Variants in LAMB1 observed in about 807,000 individuals in gnomAD.
LAMB1 encodes the protein laminin subunit beta 1.
In LAMB1, 121 loss-of-function variants were observed where a neutral mutation model predicts 222.3. The observed-to-expected ratio is 0.54, with a 90% CI of 0.47 to 0.63. LAMB1 has a LOEUF of 0.63. Ranked by LOEUF, LAMB1 falls within the 30% of genes least tolerant of loss-of-function variation. The pLI is 0.00. For synonymous variants in LAMB1, 794 were observed against 807.2 expected (o/e 0.98, Z 0.28); for missense variants, 2,172 against 2,240.8 (o/e 0.97, Z 0.62).
intron 24 of LAMB1, among the ~76,000 whole-genome samples, chr7:107,950,792 C>T (rs1305479488): frequency 6.6e-6 from 1 of 152,210 alleles, no homozygotes; most frequent in African/African-American, 2.4e-5. Context: ...TTTACCTCTT[C>T]TTGTGCCATC....
At chr7:107,965,158 G>A (rs1312824187) in intron 13 of LAMB1, among the ~76,000 whole-genome samples, 1 of 152,190 alleles carries the variant, frequency 6.6e-6, no homozygotes, top group African/African-American at 2.4e-5. Context: ...AGTCAACCAA[G>A]TCAGAAATTT....
rs777886628 is a variant in LAMB1 at position 107,929,526 on chromosome 7, G to A, written c.4631C>T (p.Thr1544Ile). 3.1e-6 allele frequency: 5 copies of A among 1,613,954 alleles called. No individual in the cohort carries two copies. Among genetic ancestry groups the A allele is most frequent in the Middle Eastern group, 1.6e-4 (1 of 6,062 alleles). Residue 1544 changes from threonine (T) to isoleucine (I), a missense_variant, in exon 30 of 34, where the codon ACA becomes ATA. Physicochemically the swap from Thr to Ile is moderately conservative, Grantham distance 89 (BLOSUM62 -1). Coordinates refer to ENST00000222399, the MANE Select transcript of LAMB1 (RefSeq NM_002291.3). ...TTCAACTCGTTCACGTATATCTTCTGTCAAGTTCTGTAACTGCTGTGGGGT... is the reference window on the plus strand; with the variant it reads ...TTCAACTCGTTCACGTATATCTTCTATCAAGTTCTGTAACTGCTGTGGGGT... ...PSTPQQLQNLTEDIRERVESL... is the reference protein window; with the variant it reads ...PSTPQQLQNLIEDIRERVESL...
At position 107,961,210 on chromosome 7, in the gene LAMB1, T is replaced by C; in HGVS notation, c.2105A>G (p.Asp702Gly). Residue 702 changes from aspartate to glycine, a missense_variant, in exon 17 of 34, where the codon GAT becomes GGT. Asp to Gly is a moderately conservative substitution (Grantham distance 94). Transcript: ENST00000222399. ...CAGAAGCAATCTCGCACTTACAGAA[T>C]CGATCAGCGTGTAGGGGCTCTCCAC... ...SDVESPYTLI[D>G]SLVLMPYCKS... 1 of 1,614,008 alleles carries C rather than the reference T, an allele frequency of 6.2e-7. No individual in the cohort carries two copies. The highest frequency in any genetic ancestry group is 8.5e-7 in the Non-Finnish European group (1 of 1,180,004).
intron 5 of LAMB1, among the ~76,000 whole-genome samples, chr7:107,993,492 C>T (rs762172371): frequency 2.6e-5 from 4 of 152,142 alleles, no homozygotes; most frequent in Admixed American, 1.3e-4. Flanking sequence ...TTACCTTCTG[C>T]GCCTACACAA....
intron 32 of LAMB1, among the ~76,000 whole-genome samples, chr7:107,925,101 G>T (rs936385157): frequency 4.6e-5 from 7 of 152,136 alleles, no homozygotes. Flanking sequence ...TGATATTGTG[G>T]CAGTGAACTT....
chr7:107,941,713 G>A (rs2032985651), intron 24 of LAMB1, among the ~76,000 whole-genome samples: 1 of 150,572 alleles, frequency 6.6e-6, no homozygotes, highest in Non-Finnish European at 1.5e-5. Context: ...GGAGTACAAT[G>A]GCGCGATCTC....
chr7:107,936,630 A>T, intron 26 of LAMB1, among the ~76,000 whole-genome samples: 1 of 152,240 alleles, frequency 6.6e-6, no homozygotes, highest in Non-Finnish European at 1.5e-5. Context: ...AGTATGATGT[A>T]ACATATTTCT....
chr7:107,985,974 C>T (rs914469348), intron 7 of LAMB1, 48 bp downstream of exon 7: 5 of 1,432,764 alleles, frequency 3.5e-6, no homozygotes, highest in Non-Finnish European at 3.9e-6. Context: ...CAAAACAAAA[C>T]AAACAAACAA....
chr7:107,997,511 G>T (rs748658539), intron 4 of LAMB1, among the ~76,000 whole-genome samples: 3 of 152,086 alleles, frequency 2.0e-5, no homozygotes, highest in African/African-American at 7.2e-5. Context: ...TGGCTGCAGC[G>T]GCATCCAAAG....
At chr7:107,929,240 T>A in intron 30 of LAMB1, 35 bp from the exon 31 acceptor site, 1 of 1,610,766 alleles carries the variant, frequency 6.2e-7, no homozygotes. Flanking sequence ...ATATTGTTGC[T>A]GAACATGAAA....
intron 15 of LAMB1, 36 bp from the exon 16 acceptor site, chr7:107,961,712 C>A (rs2033508741): frequency 6.3e-7 from 1 of 1,594,194 alleles, no homozygotes; most frequent in East Asian, 2.3e-5. Context: ...AGATAGTTAG[C>A]CCACCACTGC....
chr7:107,994,483 A>G (rs1186945457), intron 5 of LAMB1, among the ~76,000 whole-genome samples: 1 of 152,178 alleles, frequency 6.6e-6, no homozygotes, highest in Non-Finnish European at 1.5e-5. Context: ...AAATTGTGCA[A>G]AACTCTGAAA....
chr7:107,943,671 C>G (rs2033046670), intron 24 of LAMB1, among the ~76,000 whole-genome samples: 1 of 152,080 alleles, frequency 6.6e-6, no homozygotes, highest in Admixed American at 6.6e-5. Flanking sequence ...CTGGGTGGGG[C>G]CCAGAACTAT....
rs892507594 is a variant in LAMB1 at position 107,940,244 on chromosome 7, T to C, written c.3506A>G (p.Tyr1169Cys). 4.3e-6 allele frequency: 7 copies of C among 1,614,020 alleles called. No homozygotes were observed. The highest frequency in any genetic ancestry group is 5.9e-6 in the Non-Finnish European group (7 of 1,180,030). The part of the protein sequence containing the change: ...GPRCDKCTRG[Y>C]SGVFPDCTPC... ...TGTGCAGTCAGGGAAGACCCCCGAGTACCCTCGCGTGCACTTGTCACAGCG... is the reference window on the plus strand; with the variant it reads ...TGTGCAGTCAGGGAAGACCCCCGAGCACCCTCGCGTGCACTTGTCACAGCG... The change falls in exon 25 of 34, where the codon TAC becomes TGC. Residue 1169 changes from tyrosine (Y) to cysteine (C), a missense_variant. Physicochemically the swap from Tyr to Cys is radical, Grantham distance 194. Transcript: ENST00000222399.
chr7:107,948,976 T>C (rs574357879), intron 24 of LAMB1, among the ~76,000 whole-genome samples: 18 of 152,364 alleles, frequency 1.2e-4, no homozygotes, highest in African/African-American at 4.1e-4. Context: ...TACATTCTCC[T>C]TAAACCAGGT....
At chr7:107,964,751 A>G in intron 13 of LAMB1, 64 bp from the exon 14 acceptor site, 1 of 1,580,402 alleles carries the variant, frequency 6.3e-7, no homozygotes, top group South Asian at 1.1e-5. Flanking sequence ...CGCCAGAAGC[A>G]GCTCTACAGC....
chr7:107,929,772 G>T, intron 29 of LAMB1, 153 bp from the exon 30 acceptor site: 1 of 555,984 alleles, frequency 1.8e-6, no homozygotes, highest in Non-Finnish European at 3.1e-6. Flanking sequence ...ATCTATCTGG[G>T]ATTTTGAGGG....
chr7:108,001,072 T>C lies in LAMB1; in HGVS notation c.213+486A>G, dbSNP rs557067378. 5.3e-5 allele frequency among the ~76,000 whole-genome samples: 8 copies of C among 152,210 alleles called. No individual in the cohort carries two copies. In the South Asian group the frequency reaches 8.3e-4, roughly 16 times the overall value. ...TAAAAGCAAGCATCTGATCCTGATATCTAGTTGGGAACAGCACCAAATGAG... is the reference window on the plus strand; with the variant it reads ...TAAAAGCAAGCATCTGATCCTGATACCTAGTTGGGAACAGCACCAAATGAG... On this transcript the variant is annotated intron_variant, in intron 3 of 33. Coordinates refer to ENST00000222399, the MANE Select transcript of LAMB1 (RefSeq NM_002291.3).
chr7:107,936,361 C>G, intron 26 of LAMB1: 1 of 151,876 alleles, frequency 6.6e-6, no homozygotes, highest in South Asian at 2.1e-4. Context: ...AGCAGCATAG[C>G]AAGAGCCCAT....
Sources: allele counts gnomAD v4.1 joint callset (sites outside exome capture counted in the v4.1 genomes callset), GRCh38; gene constraint gnomAD v4.1.1; transcripts MANE v1.5; gene names NCBI Gene and HGNC (gene_info 2026-07-23, HGNC 2026-07-21).